PDIA5: variants seen among roughly 807,000 people sequenced by gnomAD.
PDIA5 encodes the protein protein disulfide-isomerase A5.
A neutral mutation model predicts 77.6 loss-of-function variants in PDIA5; 58 were observed. The observed-to-expected ratio is 0.75, with a 90% CI of 0.61 to 0.93. The LOEUF (loss-of-function observed/expected upper bound fraction) is 0.93, where lower values mean the gene tolerates loss of function less well. PDIA5 is among the 40% of genes least tolerant of loss of function. The probability of loss-of-function intolerance (pLI) is 0.00; values close to 1 mark genes in which losing one functional copy is unlikely to be tolerated. For synonymous variants in PDIA5, 250 were observed against 252.1 expected, an observed-to-expected ratio of 0.99 and a Z score of 0.08; for missense variants, 630 against 647.7, an observed-to-expected ratio of 0.97 and a Z score of 0.30.
Position 123,146,182 on chromosome 3 carries a change from G to GA in PDIA5, c.1067dup (p.Tyr357ValfsTer3), listed in dbSNP as rs1935768084. 6.2e-7 allele frequency: 1 copy of GA among 1,614,088 alleles called. No individual in the cohort carries two copies. On this transcript the variant is annotated frameshift_variant, in exon 13 of 17. Coordinates refer to ENST00000316218, the MANE Select transcript of PDIA5 (RefSeq NM_006810.4). LOFTEE classifies it high-confidence loss of function. ...TCCACATCTCAGAGTTTCCTACGTT[G>GA]AAGTATTTTAAGAATGGAGAGAAAT...
intron 11 of PDIA5, 29 bp downstream of exon 11, chr3:123,130,645 A>C (rs1935351205): frequency 6.2e-7 from 1 of 1,611,460 alleles, no homozygotes; most frequent in South Asian, 1.1e-5. Flanking sequence ...CTCCCCCTCC[A>C]CACCCTCCCC....
At chr3:123,077,909 A>G (rs1001741181) in intron 1 of PDIA5, among the ~76,000 whole-genome samples, 1 of 151,474 alleles carries the variant, frequency 6.6e-6, no homozygotes, top group African/African-American at 2.4e-5. Context: ...TCCCAGGTTC[A>G]AGTGATTCTT....
chr3:123,102,899 A>G (rs184861577), intron 5 of PDIA5, 103 bp downstream of exon 5: 197 of 757,924 alleles, frequency 2.6e-4, no homozygotes, highest in Admixed American at 1.9e-3. Flanking sequence ...TTGCACAAAT[A>G]GCTCTTCTAA....
At chr3:123,088,737 GTA>G (rs1323823400) in intron 1 of PDIA5, among the ~76,000 whole-genome samples, 2 of 152,178 alleles carry the variant, frequency 1.3e-5, no homozygotes, top group Non-Finnish European at 2.9e-5. Flanking sequence ...ATGACTTCCT[GTA>G]TACTTTAAAT....
intron 8 of PDIA5, 139 bp from the exon 9 acceptor site, chr3:123,123,927 G>A: frequency 1.6e-6 from 1 of 638,544 alleles, no homozygotes; most frequent in Non-Finnish European, 2.8e-6. Context: ...TTGTTTCTCA[G>A]CAGCCCTGAT....
At chr3:123,100,232 T>C (rs1322792102) in intron 3 of PDIA5, among the ~76,000 whole-genome samples, 1 of 152,238 alleles carries the variant, frequency 6.6e-6, no homozygotes, top group Non-Finnish European at 1.5e-5. Flanking sequence ...GGCACCTCGT[T>C]CGCAGTTGTT....
At position 123,140,759 on chromosome 3, in the gene PDIA5, C is replaced by A. The variant is rs1207698745; in HGVS notation, c.911-4763C>A. On this transcript the variant is annotated intron_variant, in intron 11 of 16. Transcript: ENST00000316218. Reference sequence around the variant, plus strand: ...GCTGCTGCGATAGAGTGTGGAAGCCCAGCACAGACAGCGAGTGCTTTCCTT... The same window carrying A: ...GCTGCTGCGATAGAGTGTGGAAGCCAAGCACAGACAGCGAGTGCTTTCCTT... Among the ~76,000 whole-genome samples the A allele has an allele frequency of 5.3e-5, 8 of 152,314 alleles. No homozygotes were observed. In the East Asian group the frequency reaches 1.5e-3, roughly 29 times the overall value.
At chr3:123,081,624 G>C (rs185287812) in intron 1 of PDIA5, among the ~76,000 whole-genome samples, 1 of 152,282 alleles carries the variant, frequency 6.6e-6, no homozygotes, top group East Asian at 1.9e-4. Context: ...CAGAGCAAAA[G>C]AGGTTGAGTC....
chr3:123,130,523 G>C lies in PDIA5; in HGVS notation c.817G>C (p.Asp273His). ...QPQVPETPWADEGGSVYHLTD... is the reference protein window; with the variant it reads ...QPQVPETPWAHEGGSVYHLTD... Reference sequence around the variant, plus strand: ...CCAGGTCCCTGAGACTCCCTGGGCAGATGAGGGCGGCTCCGTTTATCACCT... The same window carrying C: ...CCAGGTCCCTGAGACTCCCTGGGCACATGAGGGCGGCTCCGTTTATCACCT... Residue 273 changes from aspartate to histidine, a missense_variant, in exon 11 of 17, where the codon GAT becomes CAT. Physicochemically the swap from Asp to His is moderately conservative, Grantham distance 81 (BLOSUM62 -1). Coordinates refer to ENST00000316218, the MANE Select transcript of PDIA5 (RefSeq NM_006810.4). The C allele has an allele frequency of 6.2e-7, 1 of 1,614,174 alleles. No individual in the cohort carries two copies. Among genetic ancestry groups the C allele is most frequent in the South Asian group, 1.1e-5 (1 of 91,090 alleles).
At chr3:123,156,576 G>A (rs1457135565) in intron 15 of PDIA5, among the ~76,000 whole-genome samples, 1 of 152,204 alleles carries the variant, frequency 6.6e-6, no homozygotes, top group Non-Finnish European at 1.5e-5. Flanking sequence ...CTGCCACTCT[G>A]TATTGACGTC....
At position 123,130,464 on chromosome 3, in the gene PDIA5, G is replaced by T; in HGVS notation, c.774-16G>T. On this transcript the variant is annotated splice_polypyrimidine_tract_variant and intron_variant, in intron 10 of 16. Coordinates refer to ENST00000316218, the MANE Select transcript of PDIA5 (RefSeq NM_006810.4). ...CCAGGGCCTGCTCTGAGCTCTGCCTGTTTTTGGTCTTCCAGTCCGCAGCCG... is the reference window on the plus strand; with the variant it reads ...CCAGGGCCTGCTCTGAGCTCTGCCTTTTTTTGGTCTTCCAGTCCGCAGCCG... 6.2e-7 allele frequency: 1 copy of T among 1,611,278 alleles called. No individual in the cohort carries two copies.
chr3:123,096,416 T>A (rs547857222), intron 3 of PDIA5, among the ~76,000 whole-genome samples: 2 of 152,186 alleles, frequency 1.3e-5, no homozygotes, highest in Non-Finnish European at 2.9e-5. Context: ...CTTGGACTCC[T>A]GGGCTCAAGC....
At chr3:123,124,648 G>A (rs1056540956) in intron 10 of PDIA5, among the ~76,000 whole-genome samples, 1 of 152,186 alleles carries the variant, frequency 6.6e-6, no homozygotes, top group Non-Finnish European at 1.5e-5. Flanking sequence ...GGGAGGGGCT[G>A]CCTAAGCCTG....
intron 6 of PDIA5, among the ~76,000 whole-genome samples, chr3:123,110,495 G>T (rs1934834666): frequency 1.3e-5 from 2 of 152,154 alleles, no homozygotes; most frequent in African/African-American, 4.8e-5. Flanking sequence ...AGGCACACAT[G>T]AAAACAGCCA....
At chr3:123,151,819 GCCT>G (rs1935908193) in intron 14 of PDIA5, among the ~76,000 whole-genome samples, 2 of 109,878 alleles carry the variant, frequency 1.8e-5, no homozygotes, top group Non-Finnish European at 3.7e-5. Context: ...CTGCCTGCCT[GCCT>G]GCCTGCCTTC....
At chr3:123,074,338 G>A (rs1181297740) in intron 1 of PDIA5, among the ~76,000 whole-genome samples, 1 of 152,136 alleles carries the variant, frequency 6.6e-6, no homozygotes, top group Non-Finnish European at 1.5e-5. Context: ...ATATAATGTG[G>A]TAAGAGAATG....
chr3:123,131,741 T>C lies in PDIA5; in HGVS notation c.910+1125T>C, dbSNP rs80023595. 4.6e-3 allele frequency among the ~76,000 whole-genome samples: 703 copies of C among 152,082 alleles called. 8 individuals carry two copies. Among genetic ancestry groups the C allele is most frequent in the African/African-American group, 0.015 (621 of 41,460 alleles). On this transcript the variant is annotated intron_variant, in intron 11 of 16. Coordinates refer to ENST00000316218, the MANE Select transcript of PDIA5 (RefSeq NM_006810.4). ...GAAGGCCTGTGGCCCAGGAGTTTTC[T>C]GGAGCAGTGTCTTCCTACTCCCATG...
chr3:123,154,785 C>A (rs550658376), intron 14 of PDIA5, among the ~76,000 whole-genome samples, 186 bp from the exon 15 acceptor site: 46 of 152,270 alleles, frequency 3.0e-4, no homozygotes, highest in African/African-American at 1.0e-3. Flanking sequence ...GTCCCCCCTA[C>A]CAATAGATCA....
chr3:123,134,966 G>A (rs1038620760), intron 11 of PDIA5, among the ~76,000 whole-genome samples: 4 of 152,164 alleles, frequency 2.6e-5, no homozygotes, highest in Admixed American at 1.3e-4. Flanking sequence ...GCAAGGCTTC[G>A]TGCCTGACCT....
Sources: gnomAD v4.1 joint callset for allele counts (sites outside exome capture counted in the v4.1 genomes callset) on GRCh38, gnomAD v4.1.1 for gene constraint, MANE v1.5 for transcripts, NCBI Gene and HGNC (gene_info 2026-07-23, HGNC 2026-07-21) for gene names.